The following PMFBP1 variants were observed in gnomAD, a reference collection of about 807,000 sequenced individuals.
PMFBP1 encodes the protein polyamine-modulated factor 1-binding protein 1.
Under a neutral mutation model 137.8 loss-of-function variants are expected in PMFBP1, and 131 were observed. The ratio of observed to expected loss-of-function variants is 0.95; its 90% CI spans 0.82 to 1.10. The LOEUF is 1.10. PMFBP1 is among the 50% of genes least tolerant of loss of function. PMFBP1 has a pLI of 0.00. For synonymous variants in PMFBP1, 490 were observed against 450.4 expected, an observed-to-expected ratio of 1.09 and a Z score of -1.11; for missense variants, 1,199 against 1,175.4, an observed-to-expected ratio of 1.02 and a Z score of -0.29.
chr16:72,185,804 G>A, the PMFBP1 span, among the ~76,000 whole-genome samples: 1 of 152,216 alleles, frequency 6.6e-6, no homozygotes, highest in African/African-American at 2.4e-5. Flanking sequence ...TGCAGTAAGA[G>A]ATCACTGTCA....
the PMFBP1 span, among the ~76,000 whole-genome samples, chr16:72,247,415 A>T: frequency 6.6e-6 from 1 of 152,222 alleles, no homozygotes; most frequent in Non-Finnish European, 1.5e-5. Context: ...CTTCAGCTAC[A>T]ATTATCACAA....
rs2042499827 is a variant in PMFBP1, at chr16:72,128,698, A to G, written c.2047T>C (p.Tyr683His). Residue 683 changes from tyrosine (Y) to histidine (H), a missense_variant, in exon 14 of 21, where the codon TAC becomes CAC. Transcript: ENST00000237353. ...TGGATGACTTGCTGGCTGGTGTTGT[A>G]TTTGTTGAGAGAGGATTCCAGTTGT... Reference protein sequence around the residue: ...STQLESSLNKYNTSQQVIQDL... With the variant: ...STQLESSLNKHNTSQQVIQDL... The G allele has an allele frequency of 3.1e-6, 5 of 1,614,150 alleles. No homozygotes were observed. Among genetic ancestry groups the G allele is most frequent in the East Asian group, 2.2e-5 (1 of 44,880 alleles).
intron 19 of PMFBP1, among the ~76,000 whole-genome samples, chr16:72,121,692 A>G (rs1046402592): frequency 2.6e-5 from 4 of 152,158 alleles, no homozygotes; most frequent in African/African-American, 4.8e-5. Flanking sequence ...TGGTGTGAAC[A>G]TAGGTCACTG....
At position 72,136,699 on chromosome 16, in the gene PMFBP1, T is replaced by A. The variant is rs375357510; in HGVS notation, c.1039A>T (p.Met347Leu). 6.2e-7 allele frequency: 1 copy of A among 1,614,136 alleles called. No homozygotes were observed. The highest frequency in any genetic ancestry group is 8.5e-7 in the Non-Finnish European group (1 of 1,180,020). ...EAVSEQKRNI[M>L]KDMMKLELDL... ...GCCTGCAGCCCCAGTTTACCCTTCATGATGTTTCTCTTCTGTTCCGACACG... is the reference window on the plus strand; with the variant it reads ...GCCTGCAGCCCCAGTTTACCCTTCAAGATGTTTCTCTTCTGTTCCGACACG... The change falls in exon 8 of 21, where the codon ATG (methionine) becomes TTG (leucine). Residue 347 changes from methionine to leucine, a missense_variant. Met to Leu is a conservative substitution (Grantham distance 15). Coordinates refer to ENST00000237353, the MANE Select transcript of PMFBP1 (RefSeq NM_031293.3).
chr16:72,185,593 G>A, the PMFBP1 span, among the ~76,000 whole-genome samples: 2 of 151,966 alleles, frequency 1.3e-5, no homozygotes, highest in Middle Eastern at 3.2e-3. Context: ...TGATCTGAAC[G>A]TCCCCACCAG....
intron 10 of PMFBP1, among the ~76,000 whole-genome samples, chr16:72,130,986 G>C (rs562617762): frequency 6.6e-5 from 10 of 152,260 alleles, no homozygotes; most frequent in Admixed American, 2.6e-4. Context: ...TTCTGTCACT[G>C]GGGACAAATC....
intron 3 of PMFBP1, among the ~76,000 whole-genome samples, chr16:72,159,896 G>C (rs1047992613): frequency 6.6e-6 from 1 of 151,638 alleles, no homozygotes; most frequent in African/African-American, 2.4e-5. Context: ...AAATAAGTAC[G>C]TTGGAAATGA....
At chr16:72,179,208 T>C (rs1394642996), upstream of PMFBP1, among the ~76,000 whole-genome samples, 1 of 152,142 alleles carries the variant, frequency 6.6e-6, no homozygotes, top group Non-Finnish European at 1.5e-5. Context: ...GTTAAATGCT[T>C]TGTGATAACT....
At chr16:72,225,912 C>T in the PMFBP1 span, among the ~76,000 whole-genome samples, 1 of 146,048 alleles carries the variant, frequency 6.8e-6, no homozygotes, top group African/African-American at 2.5e-5. Context: ...TACATCCACA[C>T]ACACATGCAT....
In PMFBP1 at chr16:72,128,684, C is replaced by A. The variant is rs921369945; in HGVS notation, c.2061G>T (p.Gln687His). Residue 687 changes from glutamine to histidine, a missense_variant, in exon 14 of 21, where the codon CAG (glutamine) becomes CAT (histidine). Coordinates refer to ENST00000237353, the MANE Select transcript of PMFBP1 (RefSeq NM_031293.3). ...ESSLNKYNTS[Q>H]QVIQDLNKEI... ...CTTTATTCAAGTCTTGGATGACTTG[C>A]TGGCTGGTGTTGTATTTGTTGAGAG... The A allele has an allele frequency of 1.9e-6, 3 of 1,614,178 alleles. No homozygotes were observed. The highest frequency in any genetic ancestry group is 2.5e-6 in the Non-Finnish European group (3 of 1,180,030).
At chr16:72,163,338 G>T (rs1367727028) in intron 3 of PMFBP1, among the ~76,000 whole-genome samples, 5 of 152,260 alleles carry the variant, frequency 3.3e-5, no homozygotes, top group Admixed American at 3.3e-4. Context: ...CTGACTTAAA[G>T]ACCTTAGATT....
At chr16:72,145,589 G>A (rs1567631857) in intron 5 of PMFBP1, among the ~76,000 whole-genome samples, 1 of 152,132 alleles carries the variant, frequency 6.6e-6, no homozygotes, top group Non-Finnish European at 1.5e-5. Context: ...ATGAATCCAG[G>A]AGCTGGATTT....
chr16:72,167,976 G>A (rs1424233067), intron 2 of PMFBP1, among the ~76,000 whole-genome samples: 2 of 152,168 alleles, frequency 1.3e-5, no homozygotes, highest in African/African-American at 4.8e-5. Context: ...CTGAGTAGAA[G>A]GCCTGACAGC....
rs2042349295 is a variant in PMFBP1 at position 72,119,842 on chromosome 16, C to A, written c.3007+9G>T. On this transcript the variant is annotated intron_variant, in intron 20 of 20. Coordinates refer to ENST00000237353, the MANE Select transcript of PMFBP1 (RefSeq NM_031293.3). Reference sequence around the variant, plus strand: ...TCACACTTATTTTTTTGACAAATGGCAGACGTACCCGGGCAGTGGGGCATC... The same window carrying A: ...TCACACTTATTTTTTTGACAAATGGAAGACGTACCCGGGCAGTGGGGCATC... The A allele has an allele frequency of 6.2e-7, 1 of 1,608,724 alleles. No individual in the cohort carries two copies. Among genetic ancestry groups the A allele is most frequent in the Non-Finnish European group, 8.5e-7 (1 of 1,178,052 alleles).
the PMFBP1 span, among the ~76,000 whole-genome samples, chr16:72,183,000 T>C: frequency 1.3e-5 from 2 of 152,112 alleles, no homozygotes; most frequent in Non-Finnish European, 2.9e-5. Context: ...GATTCTGCCC[T>C]GCCAGGTCCC....
intron 5 of PMFBP1, among the ~76,000 whole-genome samples, chr16:72,149,305 G>A (rs1368811173): frequency 6.6e-6 from 1 of 152,140 alleles, no homozygotes; most frequent in African/African-American, 2.4e-5. Flanking sequence ...ATTATTATTG[G>A]TAAAAGTGTA....
rs528099273 is a variant in PMFBP1 at position 72,122,897 on chromosome 16, G to C, written c.2768+17C>G. 56 of 1,608,680 alleles carry C rather than the reference G, an allele frequency of 3.5e-5. No homozygotes were observed. The South Asian group carries it at 4.7e-4, about 14-fold the overall frequency. ...TCAGCTCCCAGGAAGCAGCCAGGGT[G>C]GTTTAAGATGACTTACTCCTTTTCG... On this transcript the variant is annotated intron_variant, in intron 19 of 20. Coordinates refer to ENST00000237353, the MANE Select transcript of PMFBP1 (RefSeq NM_031293.3).
intron 3 of PMFBP1, among the ~76,000 whole-genome samples, chr16:72,162,935 T>G (rs2043086001): frequency 6.6e-6 from 1 of 152,246 alleles, no homozygotes. Context: ...TTTTCTCTAT[T>G]TGTGACTTCC....
At chr16:72,195,847 C>T in the PMFBP1 span, among the ~76,000 whole-genome samples, 1 of 152,238 alleles carries the variant, frequency 6.6e-6, no homozygotes, top group African/African-American at 2.4e-5. Context: ...TCCTGCCTTT[C>T]CTTGGCTGAG....
Sources: gnomAD v4.1 joint callset for allele counts (sites outside exome capture counted in the v4.1 genomes callset) on GRCh38, gnomAD v4.1.1 for gene constraint, MANE v1.5 for transcripts, NCBI Gene and HGNC (gene_info 2026-07-23, HGNC 2026-07-21) for gene names.